The following UBAP1 variants were observed in gnomAD, a reference collection of about 807,000 sequenced individuals.
UBAP1 encodes the protein ubiquitin-associated protein 1.
UBAP1 carries 5 observed loss-of-function variants against 39.0 expected under a neutral mutation model. The ratio of observed to expected loss-of-function variants is 0.13; its 90% CI spans 0.07 to 0.27. The LOEUF (loss-of-function observed/expected upper bound fraction) is 0.27, where lower values mean the gene tolerates loss of function less well. Among genes scored for constraint, UBAP1 ranks in the 10% least tolerant of loss-of-function variants. The pLI is 1.00. For synonymous variants in UBAP1, 211 were observed against 225.1 expected (o/e 0.94, Z 0.56); for missense variants, 490 against 608.1 (o/e 0.81, Z 2.04).
chr9:34,206,887 G>A, intron 1 of UBAP1, among the ~76,000 whole-genome samples: 1 of 151,834 alleles, frequency 6.6e-6, no homozygotes, highest in South Asian at 2.1e-4. Context: ...TATATTTTGG[G>A]TATTTTTAGG....
At position 34,234,110 on chromosome 9, in the gene UBAP1, A is replaced by G. The variant is rs968658608; in HGVS notation, c.35-106A>G. 7 of 1,186,784 alleles carry G rather than the reference A, an allele frequency of 5.9e-6. No homozygotes were observed. In the African/African-American group the frequency reaches 7.8e-5, roughly 13 times the overall value. 73.5% of individuals were successfully genotyped at this position (1,186,784 alleles called of 1,614,324 possible). On this transcript the variant is annotated intron_variant, in intron 2 of 6. Coordinates refer to ENST00000297661, the MANE Select transcript of UBAP1 (RefSeq NM_016525.5). ...TCAGAGAAGGAACTCTGTAACTTCT[A>G]GACTTAGGATAGCAAAAATTAATGC...
At chr9:34,199,317 C>T (rs1034128352) in intron 1 of UBAP1, among the ~76,000 whole-genome samples, 2 of 152,220 alleles carry the variant, frequency 1.3e-5, no homozygotes, top group Non-Finnish European at 2.9e-5. Context: ...TTGTGATCCC[C>T]CCGCCTTGGC....
At chr9:34,220,262 T>C (rs1459040316) in intron 1 of UBAP1, among the ~76,000 whole-genome samples, 1 of 142,102 alleles carries the variant, frequency 7.0e-6, no homozygotes, top group Non-Finnish European at 1.5e-5. Context: ...AGTGATCATC[T>C]CACATCAGCC....
intron 4 of UBAP1, among the ~76,000 whole-genome samples, chr9:34,246,136 G>A (rs35971466): frequency 0.2 from 30,574 of 151,530 alleles, 3,673 homozygotes; most frequent in Non-Finnish European, 0.27. Flanking sequence ...CTGTAATCAC[G>A]GCTCACTGCA....
intron 1 of UBAP1, among the ~76,000 whole-genome samples, chr9:34,182,639 CT>C (rs1332986106): frequency 1.6e-5 from 1 of 62,562 alleles, no homozygotes; most frequent in Non-Finnish European, 4.0e-5. Context: ...TTCTTTCTTT[CT>C]TTCTTTCTTT....
chr9:34,202,848 A>G (rs1478206126), intron 1 of UBAP1, among the ~76,000 whole-genome samples: 1 of 152,130 alleles, frequency 6.6e-6, no homozygotes, highest in East Asian at 1.9e-4. Context: ...AATTACTATA[A>G]TAGCATTATC....
chr9:34,208,274 A>C (rs1328134993), intron 1 of UBAP1, among the ~76,000 whole-genome samples: 2 of 152,038 alleles, frequency 1.3e-5, no homozygotes, highest in East Asian at 3.9e-4. Context: ...AATTTTTCCG[A>C]AGTTTTTTGG....
chr9:34,223,109 A>G (rs564106520), intron 2 of UBAP1, among the ~76,000 whole-genome samples: 1 of 152,300 alleles, frequency 6.6e-6, no homozygotes, highest in African/African-American at 2.4e-5. Context: ...GTCTGTTCAT[A>G]AAGACTGGTA....
At chr9:34,182,886 A>C (rs1178793813) in intron 1 of UBAP1, among the ~76,000 whole-genome samples, 4 of 151,612 alleles carry the variant, frequency 2.6e-5, no homozygotes, top group African/African-American at 9.7e-5. Context: ...AATTTTTTGT[A>C]GTTTTAGTAG....
intron 1 of UBAP1, among the ~76,000 whole-genome samples, chr9:34,184,200 A>G (rs999159678): frequency 1.1e-4 from 16 of 152,186 alleles, no homozygotes; most frequent in African/African-American, 3.9e-4. Flanking sequence ...ATATTTTCCT[A>G]TGAATCGAGA....
intron 1 of UBAP1, among the ~76,000 whole-genome samples, chr9:34,208,197 G>A (rs972507900): frequency 1.3e-5 from 2 of 151,676 alleles, no homozygotes; most frequent in African/African-American, 4.8e-5. Flanking sequence ...TTCCTAAAAT[G>A]TACTGGTAAT....
intron 1 of UBAP1, among the ~76,000 whole-genome samples, chr9:34,201,886 T>G (rs1243582079): frequency 6.6e-6 from 1 of 152,164 alleles, no homozygotes; most frequent in African/African-American, 2.4e-5. Flanking sequence ...GTCCTCTCTT[T>G]AGGTTTAATT....
intron 1 of UBAP1, among the ~76,000 whole-genome samples, chr9:34,189,966 A>G (rs528355408): frequency 2.5e-4 from 38 of 152,242 alleles, no homozygotes; most frequent in African/African-American, 8.2e-4. Flanking sequence ...TCAAAGGTTT[A>G]TTATATTTCC....
rs1229524501 is a variant in UBAP1, at chr9:34,247,875, T to C, written c.1084-1904T>C. Among the ~76,000 whole-genome samples, 3 of 152,304 alleles carry C rather than the reference T, an allele frequency of 2.0e-5. No individual in the cohort carries two copies. In the East Asian group the frequency reaches 5.8e-4, roughly 29 times the overall value. ...ATATATTCCTATACATAAATATTGG[T>C]TTGCATTATTATTATTTCTTCAGAC... On this transcript the variant is annotated intron_variant, in intron 4 of 6. Transcript: ENST00000297661.
chr9:34,190,880 T>C lies in UBAP1; in HGVS notation c.-8+11640T>C, dbSNP rs1587792970. On this transcript the variant is annotated intron_variant, in intron 1 of 6. Coordinates refer to ENST00000297661, the MANE Select transcript of UBAP1 (RefSeq NM_016525.5). ...ACAGGCTGGTCTCAAACTCCTAAGT[T>C]CAGGTGATCCACCTGCCTCGGCCTC... Among the ~76,000 whole-genome samples, 5 of 151,312 alleles carry C rather than the reference T, an allele frequency of 3.3e-5. No individual in the cohort carries two copies. In the South Asian group the frequency reaches 1.0e-3, roughly 32 times the overall value.
At position 34,179,067 on chromosome 9, in the gene UBAP1, G is replaced by T. The variant is rs188390433; in HGVS notation, c.-181G>T. On this transcript the variant is annotated 5_prime_UTR_variant, in exon 1 of 7. Coordinates refer to ENST00000297661, the MANE Select transcript of UBAP1 (RefSeq NM_016525.5). ...AGGGAAGTAGGACTTCAACATGGCG[G>T]CTGCGGCACTGGCGGTGGCTACGGT... 42 of 1,279,204 alleles carry T rather than the reference G, an allele frequency of 3.3e-5. No homozygotes were observed. The African/African-American group carries it at 5.8e-4, about 18-fold the overall frequency. 79.2% of individuals were successfully genotyped at this position (1,279,204 alleles called of 1,614,324 possible).
chr9:34,248,762 C>T (rs1403649087), intron 4 of UBAP1, among the ~76,000 whole-genome samples: 2 of 152,198 alleles, frequency 1.3e-5, no homozygotes, highest in Non-Finnish European at 2.9e-5. Flanking sequence ...TGTATAATTT[C>T]GAACTTGCTT....
intron 2 of UBAP1, among the ~76,000 whole-genome samples, chr9:34,221,758 C>A (rs1193576714): frequency 6.6e-6 from 1 of 152,086 alleles, no homozygotes; most frequent in Non-Finnish European, 1.5e-5. Context: ...TTAAGAGTTT[C>A]TCTGTCATCT....
chr9:34,182,681 T>TTCTTTCTCTCTCTCTC (rs1491429494), intron 1 of UBAP1, among the ~76,000 whole-genome samples: 287 of 115,486 alleles, frequency 2.5e-3, no homozygotes, highest in East Asian at 0.018. Flanking sequence ...CTTTCTTTCT[T>TTCTTTCTCTCTCTCTC]TCTCTCTCTC....
Sources: allele counts gnomAD v4.1 joint callset (sites outside exome capture counted in the v4.1 genomes callset), GRCh38; gene constraint gnomAD v4.1.1; transcripts MANE v1.5; gene names NCBI Gene and HGNC (gene_info 2026-07-23, HGNC 2026-07-21).